The following DMD variants were observed in gnomAD, a reference collection of about 807,000 sequenced individuals.
The protein encoded by DMD is mutant dystrophin.
Under a neutral mutation model 330.1 loss-of-function variants are expected in DMD, and 63 were observed. The ratio of observed to expected loss-of-function variants is 0.19; its 90% CI spans 0.16 to 0.24. The LOEUF (loss-of-function observed/expected upper bound fraction) is 0.24, where lower values mean the gene tolerates loss of function less well. DMD is among the 10% of genes least tolerant of loss of function. DMD has a pLI of 1.00. For missense variants in DMD, 3,344 were observed against 2,684.1 expected, an observed-to-expected ratio of 1.25 and a Z score of -5.43; for synonymous variants, 1,223 against 959.8, an observed-to-expected ratio of 1.27 and a Z score of -5.07.
intron 61 of DMD, among the ~76,000 whole-genome samples, chrX:31,334,615 T>A (rs1384412907): frequency 2.7e-5 from 3 of 111,901 alleles, no homozygotes; most frequent in East Asian, 2.8e-4. Flanking sequence ...AGGTGACTCG[T>A]TTTTGTTAAT....
chrX:31,600,015 C>T (rs576818934), intron 55 of DMD, among the ~76,000 whole-genome samples: 1 of 111,482 alleles, frequency 9.0e-6, no homozygotes, highest in South Asian at 3.8e-4. Context: ...ACTGCAGCCT[C>T]GACTTCCTGG....
chrX:31,126,803 G>GAAAA (rs58738809), intron 77 of DMD, 130 bp from the exon 78 acceptor site: 246 of 254,352 alleles, frequency 9.7e-4, no homozygotes, highest in Admixed American at 3.8e-3. Flanking sequence ...TTCTCTGCTG[G>GAAAA]AAAAAAAAAA....
At chrX:32,596,082 T>C (rs190452404) in intron 12 of DMD, among the ~76,000 whole-genome samples, 21 of 111,632 alleles carry the variant, frequency 1.9e-4, no homozygotes, top group African/African-American at 6.2e-4. Context: ...GGAAAGTATC[T>C]AGAGAAGACA....
chrX:32,940,930 T>G, intron 2 of DMD, among the ~76,000 whole-genome samples: 1 of 110,750 alleles, frequency 9.0e-6, no homozygotes, highest in Admixed American at 9.6e-5. Context: ...TATCTAGAAT[T>G]TACAAGGAAC....
chrX:32,236,486 C>T (rs2097188359), intron 43 of DMD, among the ~76,000 whole-genome samples: 1 of 111,933 alleles, frequency 8.9e-6, no homozygotes, highest in South Asian at 3.8e-4. Flanking sequence ...AGTGTCCCCA[C>T]CCAAATCTCA....
At chrX:31,959,769 G>GTTTTT (rs201621257) in intron 45 of DMD, among the ~76,000 whole-genome samples, 4 of 80,914 alleles carry the variant, frequency 4.9e-5, no homozygotes, top group East Asian at 3.8e-4. Context: ...CAGCACCGTG[G>GTTTTT]TTTTTTTTTT....
At chrX:31,908,456 A>G (rs1444117874) in intron 47 of DMD, among the ~76,000 whole-genome samples, 1 of 109,896 alleles carries the variant, frequency 9.1e-6, no homozygotes, top group East Asian at 2.9e-4. Context: ...TTCTGAGCAA[A>G]CTATCACAAG....
At chrX:32,735,460 C>T (rs1190313252) in intron 7 of DMD, among the ~76,000 whole-genome samples, 1 of 111,365 alleles carries the variant, frequency 9.0e-6, no homozygotes, top group Admixed American at 9.5e-5. Context: ...ATCACCAAGT[C>T]ACTCCTAAGC....
intron 2 of DMD, among the ~76,000 whole-genome samples, chrX:32,978,669 A>T (rs1015347560): frequency 8.0e-5 from 9 of 111,887 alleles, no homozygotes; most frequent in African/African-American, 2.9e-4. Context: ...GGGTTTCACC[A>T]TGTTGGCCAG....
intron 2 of DMD, among the ~76,000 whole-genome samples, chrX:32,900,384 C>A (rs773931452): frequency 9.0e-6 from 1 of 111,515 alleles, no homozygotes; most frequent in Non-Finnish European, 1.9e-5. Context: ...CTCTGTTTCC[C>A]AGGCTGAAGT....
intron 19 of DMD, among the ~76,000 whole-genome samples, chrX:32,496,171 A>G (rs2043468679): frequency 8.9e-6 from 1 of 112,164 alleles, no homozygotes. Flanking sequence ...ATTCCTCATC[A>G]AGTATATTCA....
chrX:32,100,131 G>T (rs1200520790), intron 44 of DMD, among the ~76,000 whole-genome samples: 4 of 109,954 alleles, frequency 3.6e-5, no homozygotes, highest in African/African-American at 1.3e-4. Flanking sequence ...GAAGTAAAAA[G>T]GAAAAAAAGT....
chrX:31,310,450 CAATT>C (rs2055413108), intron 62 of DMD, among the ~76,000 whole-genome samples: 1 of 109,321 alleles, frequency 9.1e-6, no homozygotes, highest in African/African-American at 3.3e-5. Flanking sequence ...CGAGAAAAAA[CAATT>C]AATCTAGCCT....
At chrX:33,246,675 CTTGT>C (rs200881646) in intron 1 of DMD, among the ~76,000 whole-genome samples, 2,056 of 110,079 alleles carry the variant, frequency 0.019, 45 homozygotes, top group African/African-American at 0.064. Context: ...GTTTTTTTTG[CTTGT>C]TTGTTTGTTT....
At chrX:33,197,659 T>G (rs897120460) in intron 1 of DMD, among the ~76,000 whole-genome samples, 17 of 112,120 alleles carry the variant, frequency 1.5e-4, no homozygotes, top group African/African-American at 4.2e-4. Flanking sequence ...ATAATTATAT[T>G]TCAGTAATGT....
chrX:32,284,613 C>A (rs2097432668), intron 43 of DMD, among the ~76,000 whole-genome samples: 1 of 111,929 alleles, frequency 8.9e-6, no homozygotes, highest in Non-Finnish European at 1.9e-5. Context: ...CTCATAACAA[C>A]CCTGTGACAT....
At chrX:31,903,248 G>T (rs2094443911) in intron 47 of DMD, among the ~76,000 whole-genome samples, 1 of 111,168 alleles carries the variant, frequency 9.0e-6, no homozygotes, top group South Asian at 3.7e-4. Context: ...TTGTAATTTG[G>T]TGAGTGTTTT....
intron 1 of DMD, among the ~76,000 whole-genome samples, chrX:33,035,949 T>C (rs1023332624): frequency 1.8e-5 from 2 of 112,016 alleles, no homozygotes; most frequent in Non-Finnish European, 3.8e-5. Flanking sequence ...AAGATGTGTG[T>C]GAACTTAATA....
At chrX:31,316,412 A>G (rs1005291909) in intron 62 of DMD, among the ~76,000 whole-genome samples, 2 of 112,107 alleles carry the variant, frequency 1.8e-5, no homozygotes, top group African/African-American at 6.5e-5. Context: ...AGAAAAAGAG[A>G]TAACAACAGC....
Sources: allele counts gnomAD v4.1 joint callset (sites outside exome capture counted in the v4.1 genomes callset), GRCh38; gene constraint gnomAD v4.1.1; transcripts MANE v1.5; gene names NCBI Gene and HGNC (gene_info 2026-07-23, HGNC 2026-07-21).